The following CCN2 variants were observed in gnomAD, a reference collection of about 807,000 sequenced individuals.
CCN2 encodes the protein CCN family member 2.
Under a neutral mutation model 33.2 loss-of-function variants are expected in CCN2, and 22 were observed. That is an observed-to-expected ratio of 0.66 (90% CI 0.47 to 0.95). The LOEUF is 0.95. Among genes scored for constraint, CCN2 ranks in the 40% least tolerant of loss-of-function variants. The probability of loss-of-function intolerance (pLI) is 0.00; values close to 1 mark genes in which losing one functional copy is unlikely to be tolerated. For synonymous variants in CCN2, 178 were observed against 200.6 expected (o/e 0.89, Z 0.95); for missense variants, 469 against 498.8 (o/e 0.94, Z 0.57).
chr6:131,950,488 G>A lies in CCN2; in HGVS notation c.345C>T (p.Ser115=). ...ACTGGTACTTGCAGCTGCTCTGGAA[G>A]GACTCTCCGCTGCGGTACACCGTAC... is the stretch of plus-strand genomic sequence containing the variant. ...FGGTVYRSGE[S]FQSSCKYQCT... is the part of the protein sequence containing the mutation. The change falls in exon 3 of 5, where the codon TCC becomes TCT. Residue 115 remains serine, a synonymous_variant. Coordinates refer to ENST00000367976, the MANE Select transcript of CCN2 (RefSeq NM_001901.4). The surrounding 1 kb of genome is among the most constrained non-coding windows in gnomAD (Gnocchi z 7.1). The A allele has an allele frequency of 1.9e-6, 3 of 1,613,940 alleles. No individual in the cohort carries two copies. Among genetic ancestry groups the A allele is most frequent in the Non-Finnish European group, 2.5e-6 (3 of 1,180,042 alleles).
At chr6:131,949,924 T>C (rs372849698) in intron 4 of CCN2, 25 bp downstream of exon 4, 19 of 1,607,538 alleles carry the variant, frequency 1.2e-5, no homozygotes, top group African/African-American at 8.0e-5. Context: ...CTGTGAAAAA[T>C]AGTTAATAGG....
rs1333400390 is a variant in CCN2 at position 131,949,427 on chromosome 6, T to C, written c.887A>G (p.His296Arg). The change falls in exon 5 of 5, where the codon CAC becomes CGC. Residue 296 changes from histidine (H) to arginine (R), a missense_variant. By Grantham distance (29) the His-to-Arg change is conservative (BLOSUM62 0). Transcript: ENST00000367976. ...VCTDGRCCTP[H>R]RTTTLPVEFK... ...CTCCACCGGCAGGGTGGTGGTTCTGTGGGGGGTGCAGCATCGGCCGTCGGT... is the reference window on the plus strand; with the variant it reads ...CTCCACCGGCAGGGTGGTGGTTCTGCGGGGGGTGCAGCATCGGCCGTCGGT... The C allele has an allele frequency of 1.9e-6, 3 of 1,613,972 alleles. No homozygotes were observed. Among genetic ancestry groups the C allele is most frequent in the Admixed American group, 3.3e-5 (2 of 59,996 alleles).
At position 131,950,731 on chromosome 6, in the gene CCN2, G is replaced by A; in HGVS notation, c.289+39C>T. 1 of 1,504,446 alleles carries A rather than the reference G, an allele frequency of 6.6e-7. No homozygotes were observed. Among genetic ancestry groups the A allele is most frequent in the Non-Finnish European group, 8.9e-7 (1 of 1,126,440 alleles). The allele number at this position is 1,504,446 out of a possible 1,614,324, so 93.2% of individuals were successfully genotyped here. A position where few individuals can be genotyped will look rare whatever the true frequency, so the allele number is the denominator to read the frequency against. On this transcript the variant is annotated intron_variant, in intron 2 of 4. Transcript: ENST00000367976. This position sits in a 1 kb window ranked among gnomAD's most constrained non-coding sequence, Gnocchi z 7.1. ...GCGGGCGGGTGGGCGTGAGGGAGGA[G>A]GCGGCCGGACACCTAGCGGTGGGGG...
Position 131,949,300 on chromosome 6 carries a change from C to A in CCN2, c.1014G>T (p.Ser338=). ...CTCCGTACATCTTCCTGTAGTACAG[C>A]GATTCAAAGATGTCATTGTCTCCGG... ...NCPGDNDIFE[S]LYYRKMYGDM... The change falls in exon 5 of 5, where the codon TCG becomes TCT. Residue 338 remains serine (S), a synonymous_variant. Coordinates refer to ENST00000367976, the MANE Select transcript of CCN2 (RefSeq NM_001901.4). 1 of 1,614,168 alleles carries A rather than the reference C, an allele frequency of 6.2e-7. No homozygotes were observed. Among genetic ancestry groups the A allele is most frequent in the South Asian group, 1.1e-5 (1 of 91,084 alleles).
At position 131,950,712 on chromosome 6, in the gene CCN2, G is replaced by A. The variant is rs952830020; in HGVS notation, c.289+58C>T. On this transcript the variant is annotated intron_variant, in intron 2 of 4. Transcript: ENST00000367976. This position sits in a 1 kb window ranked among gnomAD's most constrained non-coding sequence, Gnocchi z 7.1. ...CGAGCGGTTTCTTTTTCCAGCGGGCGGGTGGGCGTGAGGGAGGAGGCGGCC... is the reference window on the plus strand; with the variant it reads ...CGAGCGGTTTCTTTTTCCAGCGGGCAGGTGGGCGTGAGGGAGGAGGCGGCC... 2 of 1,477,422 alleles carry A rather than the reference G, an allele frequency of 1.4e-6. No homozygotes were observed. The highest frequency in any genetic ancestry group is 2.1e-5 in the Admixed American group (1 of 47,018). The allele number at this position is 1,477,422 out of a possible 1,614,324, so 91.5% of individuals were successfully genotyped here.
Position 131,950,751 on chromosome 6 carries a change from TG to T in CCN2, c.289+18del. On this transcript the variant is annotated intron_variant, in intron 2 of 4. Transcript: ENST00000367976. The surrounding 1 kb of genome is among the most constrained non-coding windows in gnomAD (Gnocchi z 7.1). ...GAGGAGGCGGCCGGACACCTAGCGG[TG>T]GGGGCTGCGGGTCTTACCGGTGCAC... The T allele has an allele frequency of 6.6e-7, 1 of 1,525,762 alleles. No individual in the cohort carries two copies. Among genetic ancestry groups the T allele is most frequent in the South Asian group, 1.2e-5 (1 of 82,356 alleles). 94.5% of individuals were successfully genotyped at this position (1,525,762 alleles called of 1,614,324 possible).
At chr6:131,949,582 A>G in intron 4 of CCN2, 22 bp from the exon 5 acceptor site, 2 of 888,250 alleles carry the variant, frequency 2.3e-6, no homozygotes, top group Non-Finnish European at 3.3e-6. Context: ...AAGGGAAAAG[A>G]GAGAGGAAAA....
chr6:131,950,016 C>G lies in CCN2; in HGVS notation c.686G>C (p.Arg229Thr). 3 of 1,614,232 alleles carry G rather than the reference C, an allele frequency of 1.9e-6. No individual in the cohort carries two copies. The highest frequency in any genetic ancestry group is 2.5e-6 in the Non-Finnish European group (3 of 1,180,044). ...TRVTNDNASC[R>T]LEKQSRLCMV... Reference sequence around the variant, plus strand: ...GCACAGGCGGCTCTGCTTCTCTAGCCTGCAGGAGGCGTTGTCATTGGTAAC... The same window carrying G: ...GCACAGGCGGCTCTGCTTCTCTAGCGTGCAGGAGGCGTTGTCATTGGTAAC... The change falls in exon 4 of 5, where the codon AGG becomes ACG. Residue 229 changes from arginine to threonine, a missense_variant. Coordinates refer to ENST00000367976, the MANE Select transcript of CCN2 (RefSeq NM_001901.4). The surrounding 1 kb of genome is among the most constrained non-coding windows in gnomAD (Gnocchi z 7.1).
In CCN2 at chr6:131,950,195, C is replaced by A; in HGVS notation, c.542-35G>T. The A allele has an allele frequency of 6.2e-7, 1 of 1,613,542 alleles. No individual in the cohort carries two copies. The highest frequency in any genetic ancestry group is 2.2e-5 in the East Asian group (1 of 44,858). On this transcript the variant is annotated intron_variant, in intron 3 of 4. Transcript: ENST00000367976. The surrounding 1 kb of genome is among the most constrained non-coding windows in gnomAD (Gnocchi z 7.1). ...CAGAGCACACAAACACCATGTAAAACGCCTGGATAAGGTATTTCCCCCGTT... is the reference window on the plus strand; with the variant it reads ...CAGAGCACACAAACACCATGTAAAAAGCCTGGATAAGGTATTTCCCCCGTT...
In CCN2 at chr6:131,949,910, T is replaced by C. The variant is rs765506144; in HGVS notation, c.753+39A>G. 1.9e-6 allele frequency: 3 copies of C among 1,602,580 alleles called. No individual in the cohort carries two copies. In the East Asian group the frequency reaches 6.7e-5, roughly 36 times the overall value. On this transcript the variant is annotated intron_variant, in intron 4 of 4. Coordinates refer to ENST00000367976, the MANE Select transcript of CCN2 (RefSeq NM_001901.4). ...CCTAAGTTGGGTCCTATCCACTGTT[T>C]TTCCTGTGAAAAATAGTTAATAGGA...
At position 131,950,284 on chromosome 6, in the gene CCN2, C is replaced by T. The variant is rs765356596; in HGVS notation, c.541+8G>A. On this transcript the variant is annotated splice_region_variant and intron_variant, in intron 3 of 4. Transcript: ENST00000367976. The surrounding 1 kb of genome is among the most constrained non-coding windows in gnomAD (Gnocchi z 7.1). ...CACGACCCTGACTTAGAGGAAGACT[C>T]GACTCACCCGCGAGGGCAGGCCCAA... 6.8e-6 allele frequency: 11 copies of T among 1,612,520 alleles called. No homozygotes were observed. The highest frequency in any genetic ancestry group is 4.5e-5 in the East Asian group (2 of 44,826).
Position 131,950,245 on chromosome 6 carries a change from C to T in CCN2, c.541+47G>A. 1 of 1,610,130 alleles carries T rather than the reference C, an allele frequency of 6.2e-7. No homozygotes were observed. The highest frequency in any genetic ancestry group is 1.3e-5 in the African/African-American group (1 of 74,990). ...TCGGTCGGCACAGTTAGGACTCCCT[C>T]CCTGGGAGAGAATCACGACCCTGAC... On this transcript the variant is annotated intron_variant, in intron 3 of 4. Transcript: ENST00000367976. This position sits in a 1 kb window ranked among gnomAD's most constrained non-coding sequence, Gnocchi z 7.1.
chr6:131,948,496 G>A lies in CCN2; in HGVS notation c.*768C>T, dbSNP rs1384760656. On this transcript the variant is annotated 3_prime_UTR_variant, in exon 5 of 5. Transcript: ENST00000367976. ...ATTTCCATATAAGTATCCATTTCAT[G>A]CTTTGAACGATCAGACAAGCTTTAC... 1 of 152,574 alleles carries A rather than the reference G, an allele frequency of 6.6e-6. No individual in the cohort carries two copies. The highest frequency in any genetic ancestry group is 1.5e-5 in the Non-Finnish European group (1 of 68,036). The allele number at this position is 152,574 out of a possible 1,614,324, so 9.5% of individuals were successfully genotyped here. A position where few individuals can be genotyped will look rare whatever the true frequency, so the allele number is the denominator to read the frequency against.
chr6:131,949,773 C>T (rs1783074493), intron 4 of CCN2, among the ~76,000 whole-genome samples, 176 bp downstream of exon 4: 1 of 152,288 alleles, frequency 6.6e-6, no homozygotes, highest in South Asian at 2.1e-4. Context: ...TGGAAGATTT[C>T]GTAGTGGAAA....
rs1783091118 is a variant in CCN2, at chr6:131,950,604, T to C, written c.290-61A>G. Reference sequence around the variant, plus strand: ...GCAGAGGTCAGGCATTGGGGCACTCTCACATCCAGAGCGTCAGGGATGCGA... The same window carrying C: ...GCAGAGGTCAGGCATTGGGGCACTCCCACATCCAGAGCGTCAGGGATGCGA... On this transcript the variant is annotated intron_variant, in intron 2 of 4. Transcript: ENST00000367976. The surrounding 1 kb of genome is among the most constrained non-coding windows in gnomAD (Gnocchi z 7.1). The C allele has an allele frequency of 1.3e-6, 2 of 1,583,716 alleles. No homozygotes were observed. The highest frequency in any genetic ancestry group is 1.3e-5 in the African/African-American group (1 of 74,504).
rs1783091802 is a variant in CCN2, at chr6:131,950,658, T to A, written c.289+112A>T. 2.0e-6 allele frequency: 3 copies of A among 1,498,256 alleles called. No homozygotes were observed. The highest frequency in any genetic ancestry group is 2.8e-5 in the African/African-American group (2 of 72,452). 92.8% of individuals were successfully genotyped at this position (1,498,256 alleles called of 1,614,324 possible). On this transcript the variant is annotated intron_variant, in intron 2 of 4. Coordinates refer to ENST00000367976, the MANE Select transcript of CCN2 (RefSeq NM_001901.4). This position sits in a 1 kb window ranked among gnomAD's most constrained non-coding sequence, Gnocchi z 7.1. ...GGGATCTGGGCTGCAGGGGGCGGGCTGGCAGCAGCTGGAGAAAGAAACTCA... is the reference window on the plus strand; with the variant it reads ...GGGATCTGGGCTGCAGGGGGCGGGCAGGCAGCAGCTGGAGAAAGAAACTCA...
In CCN2 at chr6:131,948,894, G is replaced by A. The variant is rs1783057467; in HGVS notation, c.*370C>T. On this transcript the variant is annotated 3_prime_UTR_variant, in exon 5 of 5. Transcript: ENST00000367976. ...GGGCTACAGGCAGGTCAGTGAGCAC[G>A]CTAAAATTTTCCTTCTCAATTACAC... 1 of 258,862 alleles carries A rather than the reference G, an allele frequency of 3.9e-6. No individual in the cohort carries two copies. The highest frequency in any genetic ancestry group is 7.7e-6 in the Non-Finnish European group (1 of 130,652). The allele number at this position is 258,862 out of a possible 1,614,324, so 16.0% of individuals were successfully genotyped here. A position where few individuals can be genotyped will look rare whatever the true frequency, so the allele number is the denominator to read the frequency against.
chr6:131,949,030 T>C lies in CCN2; in HGVS notation c.*234A>G, dbSNP rs1164382832. The C allele has an allele frequency of 3.6e-6, 2 of 556,648 alleles. No homozygotes were observed. Among genetic ancestry groups the C allele is most frequent in the Non-Finnish European group, 6.5e-6 (2 of 309,744 alleles). 34.5% of individuals were successfully genotyped at this position (556,648 alleles called of 1,614,324 possible). A position where few individuals can be genotyped will look rare whatever the true frequency, so the allele number is the denominator to read the frequency against. On this transcript the variant is annotated 3_prime_UTR_variant, in exon 5 of 5. Coordinates refer to ENST00000367976, the MANE Select transcript of CCN2 (RefSeq NM_001901.4). The stretch of plus-strand genomic sequence containing the variant: ...CACACCTTAATATACATTCTGGTGC[T>C]GTGTACTAATGTAGTTCCACTGTCA...
chr6:131,950,837 G>C lies in CCN2; in HGVS notation c.222C>G (p.Cys74Trp). 1 of 1,539,652 alleles carries C rather than the reference G, an allele frequency of 6.5e-7. No individual in the cohort carries two copies. The highest frequency in any genetic ancestry group is 1.4e-5 in the African/African-American group (1 of 73,382). Residue 74 changes from cysteine (C) to tryptophan (W), a missense_variant, in exon 2 of 5, where the codon TGC becomes TGG. By Grantham distance (215) the Cys-to-Trp change is radical (BLOSUM62 -2). Coordinates refer to ENST00000367976, the MANE Select transcript of CCN2 (RefSeq NM_001901.4). This position sits in a 1 kb window ranked among gnomAD's most constrained non-coding sequence, Gnocchi z 7.1. ...LGELCTERDP[C>W]DPHKGLFCHF... ...GACAGAATAGGCCCTTGTGCGGGTC[G>C]CATGGGTCGCGCTCGGTGCACAGCT...
Sources: allele counts gnomAD v4.1 joint callset (sites outside exome capture counted in the v4.1 genomes callset), GRCh38; gene constraint gnomAD v4.1.1; non-coding constraint Gnocchi (gnomAD v3.1); transcripts MANE v1.5; gene names NCBI Gene and HGNC (gene_info 2026-07-23, HGNC 2026-07-21).